CNOT8: variants seen among roughly 807,000 people sequenced by gnomAD.
CNOT8 encodes CCR4-NOT transcription complex subunit 8.
CNOT8 carries 18 observed loss-of-function variants against 34.6 expected under a neutral mutation model. That is an observed-to-expected ratio of 0.52 (90% CI 0.36 to 0.77). CNOT8 has a LOEUF of 0.77. Among genes scored for constraint, CNOT8 ranks in the 30% least tolerant of loss-of-function variants. The probability of loss-of-function intolerance (pLI) is 0.00; values close to 1 mark genes in which losing one functional copy is unlikely to be tolerated. For synonymous variants in CNOT8, 101 were observed against 118.8 expected (o/e 0.85, Z 0.98); for missense variants, 189 against 347.9 (o/e 0.54, Z 3.63).
intron 3 of CNOT8, 145 bp from the exon 4 acceptor site, chr5:154,870,516 A>G (rs1762391972): frequency 1.7e-6 from 1 of 574,008 alleles, no homozygotes; most frequent in Non-Finnish European, 3.0e-6. Flanking sequence ...GCTTGTTTGA[A>G]TGTTGGAAAG....
At position 154,863,228 on chromosome 5, in the gene CNOT8, C is replaced by A; in HGVS notation, c.-51C>A. 2.4e-6 allele frequency: 3 copies of A among 1,247,942 alleles called. No homozygotes were observed. Among genetic ancestry groups the A allele is most frequent in the Non-Finnish European group, 3.5e-6 (3 of 846,240 alleles). 77.3% of individuals were successfully genotyped at this position (1,247,942 alleles called of 1,614,324 possible). ...CTAGATCAGACCAAACATTGTCTGG[C>A]TTGCACTGTAAAACTAGTTAGCTGA... On this transcript the variant is annotated 5_prime_UTR_variant, in exon 2 of 7. Transcript: ENST00000285896.
intron 3 of CNOT8, among the ~76,000 whole-genome samples, chr5:154,869,311 G>T (rs909852472): frequency 3.3e-5 from 5 of 150,880 alleles, no homozygotes; most frequent in Non-Finnish European, 7.4e-5. Flanking sequence ...TAGAGATGGG[G>T]TTTCTCCATG....
intron 1 of CNOT8, among the ~76,000 whole-genome samples, chr5:154,861,284 A>C (rs1761311249): frequency 6.6e-6 from 1 of 152,228 alleles, no homozygotes. Context: ...AAAACAAGAG[A>C]AGAAATTTAT....
intron 3 of CNOT8, among the ~76,000 whole-genome samples, chr5:154,867,999 C>T (rs908173674): frequency 1.3e-5 from 2 of 152,230 alleles, no homozygotes; most frequent in Middle Eastern, 3.4e-3. Context: ...TGCAGTGGCA[C>T]AATCTCAGCT....
chr5:154,859,116 G>T (rs868110261), intron 1 of CNOT8: 1 of 152,216 alleles, frequency 6.6e-6, no homozygotes, highest in African/African-American at 2.4e-5. Flanking sequence ...TACGTGGCCT[G>T]GCCTGGCTTC....
intron 1 of CNOT8, among the ~76,000 whole-genome samples, chr5:154,861,738 G>T (rs183777517): frequency 1.3e-5 from 2 of 152,070 alleles, no homozygotes; most frequent in Non-Finnish European, 2.9e-5. Flanking sequence ...TCGCTCTGTC[G>T]CCCAGGCTGG....
intron 3 of CNOT8, among the ~76,000 whole-genome samples, chr5:154,866,420 ATTG>A (rs1319125569): frequency 1.3e-5 from 2 of 151,814 alleles, no homozygotes; most frequent in African/African-American, 2.4e-5. Context: ...AATTTTTTTT[ATTG>A]TTGTTCGTAT....
chr5:154,872,904 G>A (rs955222400), intron 6 of CNOT8, among the ~76,000 whole-genome samples: 2 of 152,158 alleles, frequency 1.3e-5, no homozygotes, highest in African/African-American at 4.8e-5. Context: ...GAGTAGCTGG[G>A]ATTATAGGTG....
rs1379757163 is a variant in CNOT8 at position 154,871,685 on chromosome 5, T to C, written c.474-45T>C. 4 of 1,595,964 alleles carry C rather than the reference T, an allele frequency of 2.5e-6. 1 individual carries two copies. Among genetic ancestry groups the C allele is most frequent in the East Asian group, 2.2e-5 (1 of 44,616 alleles). ...AATAAAATGGTTGAACACTGGGGCC[T>C]GATAACCACTGCTTTTTTAACCTCT... On this transcript the variant is annotated intron_variant, in intron 4 of 6. Transcript: ENST00000285896.
Position 154,872,514 on chromosome 5 carries a change from T to C in CNOT8, c.619-27T>C, listed in dbSNP as rs779453984. 1.4e-5 allele frequency: 21 copies of C among 1,491,418 alleles called. No individual in the cohort carries two copies. In the East Asian group the frequency reaches 4.8e-4, roughly 34 times the overall value. 92.4% of individuals were successfully genotyped at this position (1,491,418 alleles called of 1,614,324 possible). ...GTAGGGGCATGTTGGGTTTGTAATA[T>C]TATCTTTGTTCTCCATACATCTCCA... On this transcript the variant is annotated intron_variant, in intron 5 of 6. Transcript: ENST00000285896.
At chr5:154,869,426 T>G (rs1291807933) in intron 3 of CNOT8, among the ~76,000 whole-genome samples, 4 of 70,114 alleles carry the variant, frequency 5.7e-5, no homozygotes, top group South Asian at 3.6e-4. Context: ...GCCTTGTTGG[T>G]TTTTTTTTTT....
At position 154,863,404 on chromosome 5, in the gene CNOT8, C is replaced by G. The variant is rs370959308; in HGVS notation, c.117+9C>G. On this transcript the variant is annotated intron_variant, in intron 2 of 6. Coordinates refer to ENST00000285896, the MANE Select transcript of CNOT8 (RefSeq NM_001301073.2). Reference sequence around the variant, plus strand: ...ACAGTTATATTGCCATGGTAAGGAGCTCTACTCTGACTCACCTTCTTTGTC... The same window carrying G: ...ACAGTTATATTGCCATGGTAAGGAGGTCTACTCTGACTCACCTTCTTTGTC... 5.1e-6 allele frequency: 8 copies of G among 1,577,940 alleles called. No individual in the cohort carries two copies. In the African/African-American group the frequency reaches 6.7e-5, roughly 13 times the overall value.
At chr5:154,861,511 G>A (rs1334852836) in intron 1 of CNOT8, among the ~76,000 whole-genome samples, 4 of 152,168 alleles carry the variant, frequency 2.6e-5, no homozygotes, top group African/African-American at 4.8e-5. Flanking sequence ...TCTCATTGTT[G>A]CATCTGCCAA....
At chr5:154,866,751 A>G (rs1004820254) in intron 3 of CNOT8, among the ~76,000 whole-genome samples, 12 of 152,068 alleles carry the variant, frequency 7.9e-5, no homozygotes, top group African/African-American at 2.7e-4. Context: ...CATCTCTACT[A>G]AAAATAAAAA....
rs572765726 is a variant in CNOT8 at position 154,869,149 on chromosome 5, C to T, written c.312-1512C>T. Among the ~76,000 whole-genome samples, 3 of 151,340 alleles carry T rather than the reference C, an allele frequency of 2.0e-5. No homozygotes were observed. The East Asian group carries it at 5.8e-4, about 29-fold the overall frequency. On this transcript the variant is annotated intron_variant, in intron 3 of 6. Transcript: ENST00000285896. ...ATTTTTTTTTTTTGAGATAGAGTTTCGCTCCTGTTGCCCAGGCTGGAGTGT... is the reference window on the plus strand; with the variant it reads ...ATTTTTTTTTTTTGAGATAGAGTTTTGCTCCTGTTGCCCAGGCTGGAGTGT...
At chr5:154,868,972 C>T (rs189575092) in intron 3 of CNOT8, among the ~76,000 whole-genome samples, 55 of 152,316 alleles carry the variant, frequency 3.6e-4, no homozygotes, top group African/African-American at 1.3e-3. Flanking sequence ...GCACATTTCT[C>T]AGCCTGCAGC....
intron 3 of CNOT8, among the ~76,000 whole-genome samples, chr5:154,869,604 C>T (rs760125937): frequency 3.4e-5 from 5 of 149,080 alleles, no homozygotes; most frequent in African/African-American, 1.2e-4. Context: ...CCACCACGTC[C>T]GGCTAATTTT....
rs770874865 is a variant in CNOT8, at chr5:154,870,641, A to G, written c.312-20A>G. The G allele has an allele frequency of 5.6e-6, 9 of 1,601,716 alleles. No homozygotes were observed. In the East Asian group the frequency reaches 1.6e-4, roughly 28 times the overall value. Reference sequence around the variant, plus strand: ...TGTTTCATTATTCACCAGTTAATAAATAAACACCTTGTTTTTTAGAGAGGA... The same window carrying G: ...TGTTTCATTATTCACCAGTTAATAAGTAAACACCTTGTTTTTTAGAGAGGA... On this transcript the variant is annotated intron_variant, in intron 3 of 6. Coordinates refer to ENST00000285896, the MANE Select transcript of CNOT8 (RefSeq NM_001301073.2).
chr5:154,875,149 C>T lies in CNOT8; in HGVS notation c.730-141C>T, dbSNP rs1762831070. 1.8e-5 allele frequency: 15 copies of T among 857,128 alleles called. No homozygotes were observed. In the South Asian group the frequency reaches 2.0e-4, roughly 11 times the overall value. The allele number at this position is 857,128 out of a possible 1,614,324, so 53.1% of individuals were successfully genotyped here. ...CCAGGCTGGTCTCGACCTCCTGACC[C>T]CAAGTGATCTGCCCGCCTCAGCCTC... On this transcript the variant is annotated intron_variant, in intron 6 of 6. Coordinates refer to ENST00000285896, the MANE Select transcript of CNOT8 (RefSeq NM_001301073.2).
Sources: allele counts gnomAD v4.1 joint callset (sites outside exome capture counted in the v4.1 genomes callset), GRCh38; gene constraint gnomAD v4.1.1; transcripts MANE v1.5; gene names NCBI Gene and HGNC (gene_info 2026-07-23, HGNC 2026-07-21).